The following RAPGEF4 variants were observed in gnomAD, a reference collection of about 807,000 sequenced individuals.
The protein encoded by RAPGEF4 is RAP guanine-nucleotide-exchange factor (GEF) 4.
A neutral mutation model predicts 147.9 loss-of-function variants in RAPGEF4; 66 were observed. The observed-to-expected ratio is 0.45, with a 90% CI of 0.37 to 0.55. The LOEUF is 0.55. Ranked by LOEUF, RAPGEF4 falls within the 20% of genes least tolerant of loss-of-function variation. RAPGEF4 has a pLI of 0.00. For synonymous variants in RAPGEF4, 419 were observed against 442.7 expected, an observed-to-expected ratio of 0.95 and a Z score of 0.67; for missense variants, 1,071 against 1,257.3, an observed-to-expected ratio of 0.85 and a Z score of 2.24.
intron 5 of RAPGEF4, among the ~76,000 whole-genome samples, chr2:172,921,018 A>G (rs1684699374): frequency 1.3e-5 from 2 of 151,482 alleles, no homozygotes; most frequent in Non-Finnish European, 1.5e-5. Flanking sequence ...TCAATTAGGG[A>G]ATGTTTCCAA....
chr2:172,923,257 G>T (rs1684944916), intron 6 of RAPGEF4, among the ~76,000 whole-genome samples: 1 of 152,080 alleles, frequency 6.6e-6, no homozygotes, highest in African/African-American at 2.4e-5. Context: ...AACTTGGGAG[G>T]TGGGGGTTGA....
chr2:172,861,231 T>C (rs1187633738), intron 4 of RAPGEF4, among the ~76,000 whole-genome samples: 1 of 152,118 alleles, frequency 6.6e-6, no homozygotes, highest in Non-Finnish European at 1.5e-5. Flanking sequence ...AGATGGAATT[T>C]ATGGCCCAGA....
chr2:173,036,571 T>A lies in RAPGEF4; in HGVS notation c.2789-57T>A, dbSNP rs1186995773. On this transcript the variant is annotated intron_variant, in intron 28 of 30. Transcript: ENST00000397081. ...CATAATCTAATGGTGCTATTGTGCT[T>A]TCTTAGTATGACATATTTCCATTAG... 9 of 1,345,144 alleles carry A rather than the reference T, an allele frequency of 6.7e-6. No homozygotes were observed. The African/African-American group carries it at 1.2e-4, about 17-fold the overall frequency. The allele number at this position is 1,345,144 out of a possible 1,614,324, so 83.3% of individuals were successfully genotyped here.
chr2:172,992,458 A>C (rs1343626051), intron 15 of RAPGEF4, among the ~76,000 whole-genome samples: 2 of 152,232 alleles, frequency 1.3e-5, no homozygotes, highest in East Asian at 3.8e-4. Context: ...TGTCTGGGGA[A>C]AATTATGCTT....
intron 4 of RAPGEF4, among the ~76,000 whole-genome samples, chr2:172,829,481 T>C (rs1574970472): frequency 6.6e-6 from 1 of 152,208 alleles, no homozygotes; most frequent in Non-Finnish European, 1.5e-5. Flanking sequence ...TTCGAAAACA[T>C]CGTGGTCACT....
At chr2:173,036,339 TCTC>T in intron 28 of RAPGEF4, 127 bp downstream of exon 28, 1 of 789,228 alleles carries the variant, frequency 1.3e-6, no homozygotes, top group African/African-American at 1.7e-5. Flanking sequence ...TTCTTTGTCA[TCTC>T]CTCTCAGTCC....
Position 173,042,424 on chromosome 2 carries a change from G to C in RAPGEF4, c.2853+5732G>C, listed in dbSNP as rs1684878107. 6.6e-6 allele frequency among the ~76,000 whole-genome samples: 1 copy of C among 152,106 alleles called. No individual in the cohort carries two copies. The highest frequency in any genetic ancestry group is 2.4e-5 in the African/African-American group (1 of 41,414). The stretch of plus-strand genomic sequence containing the variant: ...TGAGGCGGGTGGATCATGGGGTCAG[G>C]AGTTCAAGACCAGCCTGGTAAAACC... On this transcript the variant is annotated intron_variant, in intron 29 of 30. Coordinates refer to ENST00000397081, the MANE Select transcript of RAPGEF4 (RefSeq NM_007023.4). The surrounding 1 kb of genome is among the most constrained non-coding windows in gnomAD (Gnocchi z 4.2).
chr2:173,004,430 A>T (rs964622178), intron 17 of RAPGEF4, among the ~76,000 whole-genome samples: 6 of 152,176 alleles, frequency 3.9e-5, no homozygotes, highest in Non-Finnish European at 7.4e-5. Flanking sequence ...AAAGAAAATT[A>T]AAACCACCTG....
chr2:172,990,519 C>T (rs1429204153), intron 14 of RAPGEF4, among the ~76,000 whole-genome samples: 1 of 152,160 alleles, frequency 6.6e-6, no homozygotes, highest in African/African-American at 2.4e-5. Flanking sequence ...CCTTTGCTCC[C>T]CACCTTCCTG....
intron 5 of RAPGEF4, 26 bp downstream of exon 5, chr2:172,917,900 T>C (rs1448587098): frequency 6.3e-7 from 1 of 1,594,916 alleles, no homozygotes; most frequent in African/African-American, 1.3e-5. Context: ...GAACATTTTG[T>C]ATCTAAAAAT....
At chr2:172,831,266 C>CTTTTTTTTTTTTTTTTGTTTTTTT (rs1690284520) in intron 4 of RAPGEF4, among the ~76,000 whole-genome samples, 1 of 53,876 alleles carries the variant, frequency 1.9e-5, no homozygotes, top group Non-Finnish European at 3.6e-5. Context: ...AGATAGAAAA[C>CTTTTTTTTTTTTTTTTGTTTTTTT]TTTTTTTTTT....
At chr2:173,004,450 C>T (rs1370874312) in intron 17 of RAPGEF4, among the ~76,000 whole-genome samples, 1 of 152,090 alleles carries the variant, frequency 6.6e-6, no homozygotes, top group Non-Finnish European at 1.5e-5. Flanking sequence ...GTATATAACC[C>T]TATAACCTCT....
At chr2:173,016,785 T>C (rs1695547249) in intron 19 of RAPGEF4, among the ~76,000 whole-genome samples, 1 of 152,192 alleles carries the variant, frequency 6.6e-6, no homozygotes. Context: ...ACTACTTATA[T>C]GGAAAATTCA....
At chr2:172,918,411 A>ACACACACACACACACAC (rs56228538) in intron 5 of RAPGEF4, among the ~76,000 whole-genome samples, 1 of 149,198 alleles carries the variant, frequency 6.7e-6, no homozygotes, top group South Asian at 2.1e-4. Flanking sequence ...ACACACACAC[A>ACACACACACACACACAC]AAGTGACTAT....
At chr2:172,781,363 G>T (rs1684662344) in intron 1 of RAPGEF4, among the ~76,000 whole-genome samples, 1 of 152,138 alleles carries the variant, frequency 6.6e-6, no homozygotes, top group African/African-American at 2.4e-5. Flanking sequence ...GCTCACGAGG[G>T]CAGGGTGTGG....
chr2:173,040,341 C>T (rs1684604365), intron 29 of RAPGEF4, among the ~76,000 whole-genome samples: 1 of 152,204 alleles, frequency 6.6e-6, no homozygotes, highest in Non-Finnish European at 1.5e-5. Flanking sequence ...CCCCTACCCC[C>T]ATATCACCAC....
chr2:172,807,843 A>G (rs1393855922), intron 3 of RAPGEF4, among the ~76,000 whole-genome samples: 1 of 152,206 alleles, frequency 6.6e-6, no homozygotes, highest in African/African-American at 2.4e-5. Context: ...AACTCAGTAT[A>G]TGTCCAAAAC....
chr2:172,832,146 AT>A (rs1690424617), intron 4 of RAPGEF4, among the ~76,000 whole-genome samples: 1 of 152,120 alleles, frequency 6.6e-6, no homozygotes, highest in South Asian at 2.1e-4. Flanking sequence ...GTGTTTCTTC[AT>A]TTGGGCACCT....
intron 1 of RAPGEF4, among the ~76,000 whole-genome samples, chr2:172,768,089 G>A (rs933315372): frequency 1.3e-5 from 2 of 152,162 alleles, no homozygotes; most frequent in East Asian, 1.9e-4. Context: ...TAGGATTACA[G>A]GCATGAGCCA....
Sources: gnomAD v4.1 joint callset for allele counts (sites outside exome capture counted in the v4.1 genomes callset) on GRCh38, gnomAD v4.1.1 for gene constraint, Gnocchi (gnomAD v3.1) non-coding constraint, MANE v1.5 for transcripts, NCBI Gene and HGNC (gene_info 2026-07-23, HGNC 2026-07-21) for gene names.